The following MFHAS1 variants were observed in gnomAD, a reference collection of about 807,000 sequenced individuals.
MFHAS1 encodes the protein multifunctional ROCO family signaling regulator 1.
In MFHAS1, 50 loss-of-function variants were observed where a neutral mutation model predicts 70.4. The observed-to-expected ratio is 0.71, with a 90% CI of 0.57 to 0.90. MFHAS1 has a LOEUF of 0.90. MFHAS1 is among the 40% of genes least tolerant of loss of function. The probability of loss-of-function intolerance (pLI) is 0.00; values close to 1 mark genes in which losing one functional copy is unlikely to be tolerated. For synonymous variants in MFHAS1, 952 were observed against 620.0 expected, an observed-to-expected ratio of 1.54 and a Z score of -7.96; for missense variants, 1,795 against 1,347.6, an observed-to-expected ratio of 1.33 and a Z score of -5.20.
At chr8:8,848,479 T>G (rs1027620074) in intron 1 of MFHAS1, among the ~76,000 whole-genome samples, 2 of 151,742 alleles carry the variant, frequency 1.3e-5, no homozygotes, top group Admixed American at 6.6e-5. Flanking sequence ...TGAAAGCCAT[T>G]AACATAAAGA....
chr8:8,847,307 G>A (rs886871237), intron 1 of MFHAS1, among the ~76,000 whole-genome samples: 2 of 152,140 alleles, frequency 1.3e-5, no homozygotes, highest in Admixed American at 6.5e-5. Context: ...TCAGTCTCCT[G>A]AGTAGCTGGG....
chr8:8,786,134 T>G (rs1805534365), intron 2 of MFHAS1, 79 bp from the exon 3 acceptor site: 1 of 1,294,850 alleles, frequency 7.7e-7, no homozygotes, highest in Admixed American at 1.7e-5. Context: ...GAAAAGGAAG[T>G]GATGATAGAA....
At chr8:8,812,891 T>G (rs943460064) in intron 1 of MFHAS1, among the ~76,000 whole-genome samples, 2 of 152,122 alleles carry the variant, frequency 1.3e-5, no homozygotes, top group African/African-American at 4.8e-5. Flanking sequence ...CTCAGCCTCC[T>G]GAGTAGCTGG....
Position 8,811,489 on chromosome 8 carries a change from C to T in MFHAS1, c.2999-13998G>A, listed in dbSNP as rs116073937. Among the ~76,000 whole-genome samples, 906 of 152,168 alleles carry T rather than the reference C, an allele frequency of 6.0e-3. 9 individuals are homozygous for T. The highest frequency in any genetic ancestry group is 0.021 in the African/African-American group (854 of 41,514). ...GATGAGGTCTCGCCATGTTGCCCAG[C>T]CTGGTCTCAGACTCATGGTCTCAAG... On this transcript the variant is annotated intron_variant, in intron 1 of 2. Transcript: ENST00000276282.
chr8:8,837,511 G>A (rs567496906), intron 1 of MFHAS1, among the ~76,000 whole-genome samples: 9 of 152,114 alleles, frequency 5.9e-5, no homozygotes, highest in South Asian at 4.2e-4. Flanking sequence ...GCGTGGTGGC[G>A]CACACCTATA....
At chr8:8,862,345 AAT>A (rs34774732) in intron 1 of MFHAS1, among the ~76,000 whole-genome samples, 7,196 of 151,478 alleles carry the variant, frequency 0.048, 424 homozygotes, top group African/African-American at 0.14. Flanking sequence ...CTCTATTCAA[AAT>A]ATGTTACTCA....
At chr8:8,803,242 G>A (rs1168400964) in intron 1 of MFHAS1, among the ~76,000 whole-genome samples, 1 of 152,136 alleles carries the variant, frequency 6.6e-6, no homozygotes, top group Non-Finnish European at 1.5e-5. Flanking sequence ...TGGACGTGGT[G>A]GCTCATGCCT....
intron 1 of MFHAS1, among the ~76,000 whole-genome samples, chr8:8,850,403 A>G (rs1389083175): frequency 6.6e-6 from 1 of 152,238 alleles, no homozygotes; most frequent in Non-Finnish European, 1.5e-5. Flanking sequence ...TGTGGTGCTA[A>G]TATTTTCCTA....
intron 1 of MFHAS1, among the ~76,000 whole-genome samples, chr8:8,808,318 G>T (rs903657146): frequency 1.3e-5 from 2 of 151,786 alleles, no homozygotes; most frequent in East Asian, 1.9e-4. Context: ...GCTCCCCTGG[G>T]AACCCTCCTC....
intron 1 of MFHAS1, among the ~76,000 whole-genome samples, chr8:8,827,140 C>G (rs185132501): frequency 6.6e-6 from 1 of 152,116 alleles, no homozygotes; most frequent in Admixed American, 6.5e-5. Context: ...CTAGTTAGTA[C>G]GTAGAGAATT....
chr8:8,872,268 A>C (rs1289211755), intron 1 of MFHAS1, among the ~76,000 whole-genome samples: 1 of 152,190 alleles, frequency 6.6e-6, no homozygotes, highest in Non-Finnish European at 1.5e-5. Flanking sequence ...CACCGTTCTA[A>C]TTCCTGATTC....
chr8:8,859,269 A>C (rs1015186385), intron 1 of MFHAS1, among the ~76,000 whole-genome samples: 2 of 152,206 alleles, frequency 1.3e-5, no homozygotes, highest in Admixed American at 6.5e-5. Flanking sequence ...ACTTGAACCC[A>C]GGAGGTGGAA....
At chr8:8,807,016 G>T (rs1806314952) in intron 1 of MFHAS1, among the ~76,000 whole-genome samples, 1 of 151,992 alleles carries the variant, frequency 6.6e-6, no homozygotes, top group South Asian at 2.1e-4. Flanking sequence ...AAGCTTCAAT[G>T]AGGTGGTTTT....
At chr8:8,886,770 G>A (rs567550365) in intron 1 of MFHAS1, among the ~76,000 whole-genome samples, 15 of 152,242 alleles carry the variant, frequency 9.9e-5, no homozygotes, top group African/African-American at 2.2e-4. Context: ...ACAACTTAAC[G>A]CTTTTATAAA....
chr8:8,827,223 G>C (rs1807196436), intron 1 of MFHAS1, among the ~76,000 whole-genome samples: 1 of 152,074 alleles, frequency 6.6e-6, no homozygotes, highest in Non-Finnish European at 1.5e-5. Context: ...TCTATTTTTT[G>C]CTAGTATAAA....
intron 1 of MFHAS1, among the ~76,000 whole-genome samples, chr8:8,834,942 A>G (rs1807543442): frequency 1.3e-5 from 2 of 152,218 alleles, no homozygotes; most frequent in Non-Finnish European, 1.5e-5. Flanking sequence ...AGTTCTCTGG[A>G]TCTAATGGAA....
In MFHAS1 at chr8:8,869,174, C is replaced by A. The variant is rs537180426; in HGVS notation, c.2998+20887G>T. Among the ~76,000 whole-genome samples the A allele has an allele frequency of 2.0e-5, 3 of 152,234 alleles. No individual in the cohort carries two copies. In the South Asian group the frequency reaches 6.2e-4, roughly 32 times the overall value. ...TAATGCCACAAGGCTGCTCTCCCAC[C>A]CTCCCCAAAGTTGATAATGAAAAAT... On this transcript the variant is annotated intron_variant, in intron 1 of 2. Coordinates refer to ENST00000276282, the MANE Select transcript of MFHAS1 (RefSeq NM_004225.3).
chr8:8,806,216 G>T (rs1444016599), intron 1 of MFHAS1, among the ~76,000 whole-genome samples: 1 of 152,164 alleles, frequency 6.6e-6, no homozygotes, highest in Non-Finnish European at 1.5e-5. Flanking sequence ...AAGCGTCAGA[G>T]TCTTGGCATC....
intron 1 of MFHAS1, among the ~76,000 whole-genome samples, chr8:8,889,688 C>T (rs1339998371): frequency 6.6e-6 from 1 of 152,216 alleles, no homozygotes; most frequent in African/African-American, 2.4e-5. Flanking sequence ...GTCTAATGAA[C>T]ACTTTAGCCA....
Sources: gnomAD v4.1 joint callset for allele counts (sites outside exome capture counted in the v4.1 genomes callset) on GRCh38, gnomAD v4.1.1 for gene constraint, MANE v1.5 for transcripts, NCBI Gene and HGNC (gene_info 2026-07-23, HGNC 2026-07-21) for gene names.